The following CDH13 variants were observed in gnomAD, a reference collection of about 807,000 sequenced individuals.
CDH13 encodes cadherin-13.
A neutral mutation model predicts 63.8 loss-of-function variants in CDH13; 24 were observed. That is an observed-to-expected ratio of 0.38 (90% CI 0.27 to 0.53). The LOEUF (loss-of-function observed/expected upper bound fraction) is 0.53, where lower values mean the gene tolerates loss of function less well. Ranked by LOEUF, CDH13 falls within the 20% of genes least tolerant of loss-of-function variation. CDH13 has a pLI of 0.85. For synonymous variants in CDH13, 503 were observed against 355.3 expected, an observed-to-expected ratio of 1.42 and a Z score of -4.67; for missense variants, 1,049 against 903.1, an observed-to-expected ratio of 1.16 and a Z score of -2.07.
chr16:82,896,238 A>T (rs2041251815), intron 2 of CDH13, among the ~76,000 whole-genome samples: 1 of 141,242 alleles, frequency 7.1e-6, no homozygotes, highest in African/African-American at 2.6e-5. Context: ...CATATTGCAG[A>T]TTGAGATAGT....
At chr16:83,382,757 A>T (rs138056289) in intron 6 of CDH13, among the ~76,000 whole-genome samples, 6 of 152,234 alleles carry the variant, frequency 3.9e-5, no homozygotes, top group South Asian at 4.2e-4. Flanking sequence ...TGTCCTAGTG[A>T]TGTCTCTTTT....
chr16:83,692,116 A>G (rs1413784048), intron 10 of CDH13, among the ~76,000 whole-genome samples: 2 of 152,234 alleles, frequency 1.3e-5, no homozygotes, highest in African/African-American at 4.8e-5. Context: ...AAGCCAGAGA[A>G]GCGTGCCCTG....
intron 5 of CDH13, among the ~76,000 whole-genome samples, chr16:83,248,798 T>G (rs1038145023): frequency 8.5e-5 from 13 of 152,174 alleles, no homozygotes; most frequent in Admixed American, 7.2e-4. Flanking sequence ...CCCATCACTT[T>G]CTGCAGGAAA....
At chr16:83,201,041 G>T (rs867607823) in intron 4 of CDH13, among the ~76,000 whole-genome samples, 121 of 151,104 alleles carry the variant, frequency 8.0e-4, no homozygotes, top group African/African-American at 2.9e-3. Context: ...ATATCTCTTG[G>T]AACTCAAGCC....
intron 7 of CDH13, among the ~76,000 whole-genome samples, chr16:83,587,750 A>G (rs968629687): frequency 2.6e-5 from 4 of 152,200 alleles, no homozygotes; most frequent in Middle Eastern, 3.2e-3. Context: ...TTTATTACCC[A>G]TACAGAGAAT....
intron 1 of CDH13, among the ~76,000 whole-genome samples, chr16:82,685,677 G>A (rs1263438039): frequency 6.6e-6 from 1 of 152,204 alleles, no homozygotes; most frequent in Non-Finnish European, 1.5e-5. Context: ...AGAGTTTGCA[G>A]TCTGTGAGGG....
chr16:83,520,926 C>T (rs1350611150), intron 7 of CDH13, among the ~76,000 whole-genome samples: 1 of 152,146 alleles, frequency 6.6e-6, no homozygotes, highest in Non-Finnish European at 1.5e-5. Flanking sequence ...GGCTGCCCCA[C>T]CAAGAGAAGT....
intron 1 of CDH13, among the ~76,000 whole-genome samples, chr16:82,632,970 A>T (rs1908200630): frequency 6.6e-6 from 1 of 151,988 alleles, no homozygotes; most frequent in African/African-American, 2.4e-5. Flanking sequence ...CAGGATTCCA[A>T]CTCCTATGAA....
chr16:83,176,340 T>C (rs1360250552), intron 4 of CDH13, among the ~76,000 whole-genome samples: 1 of 151,314 alleles, frequency 6.6e-6, no homozygotes, highest in African/African-American at 2.4e-5. Context: ...TGAAACCCTG[T>C]CTCTTCTAAA....
chr16:83,435,241 G>A (rs1323177226), intron 6 of CDH13, among the ~76,000 whole-genome samples: 2 of 151,868 alleles, frequency 1.3e-5, no homozygotes, highest in African/African-American at 4.8e-5. Context: ...ACGGGGTTTC[G>A]CCTTGTTGGC....
At chr16:82,661,104 G>A (rs1911891319) in intron 1 of CDH13, among the ~76,000 whole-genome samples, 1 of 152,216 alleles carries the variant, frequency 6.6e-6, no homozygotes, top group Non-Finnish European at 1.5e-5. Context: ...CCGGTGTGAT[G>A]TTTCATGCTG....
intron 6 of CDH13, among the ~76,000 whole-genome samples, chr16:83,377,507 A>T (rs1369835116): frequency 6.6e-6 from 1 of 152,182 alleles, no homozygotes; most frequent in East Asian, 1.9e-4. Flanking sequence ...TGTCAGTCAC[A>T]GGGTCTGTCA....
intron 3 of CDH13, among the ~76,000 whole-genome samples, chr16:83,088,688 A>T (rs1451729631): frequency 6.6e-6 from 1 of 152,228 alleles, no homozygotes; most frequent in African/African-American, 2.4e-5. Flanking sequence ...GATCTTTTAC[A>T]TGGCTCAACA....
intron 6 of CDH13, among the ~76,000 whole-genome samples, chr16:83,383,530 G>T (rs2091612201): frequency 6.6e-6 from 1 of 152,092 alleles, no homozygotes; most frequent in African/African-American, 2.4e-5. Context: ...ATTTATGGTT[G>T]GCATTCTACT....
chr16:83,760,110 A>G (rs1337576824), intron 11 of CDH13, among the ~76,000 whole-genome samples: 1 of 152,226 alleles, frequency 6.6e-6, no homozygotes, highest in East Asian at 1.9e-4. Flanking sequence ...ATTAAATTAT[A>G]CAAATATAAA....
intron 11 of CDH13, among the ~76,000 whole-genome samples, chr16:83,776,847 C>G (rs1915149406): frequency 6.6e-6 from 1 of 152,238 alleles, no homozygotes. Context: ...TTCCACCCCT[C>G]TGGCATTCTG....
At chr16:83,685,124 T>C (rs904563608) in intron 10 of CDH13, among the ~76,000 whole-genome samples, 4 of 152,200 alleles carry the variant, frequency 2.6e-5, no homozygotes, top group Non-Finnish European at 5.9e-5. Flanking sequence ...GGAGACTTTC[T>C]GGAAGTCATC....
intron 8 of CDH13, among the ~76,000 whole-genome samples, chr16:83,624,566 A>T (rs979555025): frequency 6.6e-6 from 1 of 152,114 alleles, no homozygotes; most frequent in African/African-American, 2.4e-5. Flanking sequence ...TGAGAATCTA[A>T]TGCCACCACT....
intron 8 of CDH13, among the ~76,000 whole-genome samples, chr16:83,612,794 T>C (rs2150765725): frequency 6.6e-6 from 1 of 152,226 alleles, no homozygotes; most frequent in East Asian, 1.9e-4. Flanking sequence ...CTTTAGAAAA[T>C]TTGAGCTCCT....
Sources: allele counts gnomAD v4.1 joint callset (sites outside exome capture counted in the v4.1 genomes callset), GRCh38; gene constraint gnomAD v4.1.1; transcripts MANE v1.5; gene names NCBI Gene and HGNC (gene_info 2026-07-23, HGNC 2026-07-21).